RYR2: variants seen among roughly 807,000 people sequenced by gnomAD.
RYR2 encodes cardiac muscle ryanodine receptor-calcium release channel.
A neutral mutation model predicts 601.1 loss-of-function variants in RYR2; 227 were observed. The ratio of observed to expected loss-of-function variants is 0.38; its 90% CI spans 0.34 to 0.42. RYR2 has a LOEUF of 0.42. Ranked by LOEUF, RYR2 falls within the 10% of genes least tolerant of loss-of-function variation. The pLI, the probability that RYR2 is intolerant of heterozygous loss-of-function variation, is 1.00. For synonymous variants in RYR2, 2,223 were observed against 2,175.1 expected, an observed-to-expected ratio of 1.02 and a Z score of -0.61; for missense variants, 4,646 against 6,156.5, an observed-to-expected ratio of 0.75 and a Z score of 8.21.
At position 237,042,557 on chromosome 1, in the gene RYR2, G is replaced by T; in HGVS notation, c.36G>T (p.Gln12His). 3 of 1,261,932 alleles carry T rather than the reference G, an allele frequency of 2.4e-6. No homozygotes were observed. The highest frequency in any genetic ancestry group is 3.0e-6 in the Non-Finnish European group (3 of 995,772). The allele number at this position is 1,261,932 out of a possible 1,614,324, so 78.2% of individuals were successfully genotyped here. The stretch of plus-strand genomic sequence containing the variant: ...GGGGCGAGGGCGAAGACGAGATCCA[G>T]TTCCTGCGAACTGTAAGCGCCGTGC... The part of the protein sequence containing the change: ...ADGGEGEDEI[Q>H]FLRTDDEVVL... Residue 12 changes from glutamine (Q) to histidine (H), a missense_variant, in exon 1 of 105, where the codon CAG (glutamine) becomes CAT (histidine). Gln to His is a conservative substitution (Grantham distance 24). Transcript: ENST00000366574.
intron 10 of RYR2, among the ~76,000 whole-genome samples, chr1:237,395,533 C>CTTTGTTTTTT: frequency 1.1e-5 from 1 of 87,426 alleles, no homozygotes; most frequent in Non-Finnish European, 2.1e-5. Flanking sequence ...GTAGGACTGT[C>CTTTGTTTTTT]TTTTTTTTTT....
Position 237,795,454 on chromosome 1 carries a change from T to C in RYR2, c.13956+123T>C. ...TATCTGCCTATTAATGTCTCCATTT[T>C]TTTTTTTTAATTTTTGAGATGGAGT... is the stretch of plus-strand genomic sequence containing the variant. On this transcript the variant is annotated intron_variant, in intron 96 of 104. Coordinates refer to ENST00000366574, the MANE Select transcript of RYR2 (RefSeq NM_001035.3). 1.7e-5 allele frequency: 9 copies of C among 528,662 alleles called. No individual in the cohort carries two copies. In the South Asian group the frequency reaches 2.3e-4, roughly 14 times the overall value. The allele number at this position is 528,662 out of a possible 1,614,324, so 32.7% of individuals were successfully genotyped here.
At chr1:237,308,702 G>A (rs1025068524) in intron 2 of RYR2, among the ~76,000 whole-genome samples, 1 of 152,178 alleles carries the variant, frequency 6.6e-6, no homozygotes, top group Non-Finnish European at 1.5e-5. Context: ...GCTCATAAAA[G>A]CAGTGCAGAC....
At chr1:237,374,877 C>T (rs1449805788) in intron 7 of RYR2, 82 bp downstream of exon 7, 3 of 1,026,166 alleles carry the variant, frequency 2.9e-6, no homozygotes, top group Non-Finnish European at 2.9e-6. Flanking sequence ...AAATACGATA[C>T]ATGGGATGAA....
At chr1:237,068,836 G>A (rs1056683799) in intron 1 of RYR2, among the ~76,000 whole-genome samples, 5 of 151,914 alleles carry the variant, frequency 3.3e-5, no homozygotes, top group South Asian at 2.1e-4. Context: ...AGATCTCCCC[G>A]TACTGTGGCC....
At chr1:237,574,434 C>T (rs1380870612) in intron 29 of RYR2, among the ~76,000 whole-genome samples, 1 of 151,136 alleles carries the variant, frequency 6.6e-6, no homozygotes, top group African/African-American at 2.5e-5. Context: ...ATATAACCCT[C>T]TCCTCTTGAG....
chr1:237,598,070 A>G (rs1283340856), intron 34 of RYR2, among the ~76,000 whole-genome samples: 2 of 152,242 alleles, frequency 1.3e-5, no homozygotes, highest in Non-Finnish European at 2.9e-5. Flanking sequence ...AATGTAAAAA[A>G]GAGTCAAAGA....
chr1:237,332,681 A>G (rs1341088762), intron 3 of RYR2, among the ~76,000 whole-genome samples: 2 of 152,226 alleles, frequency 1.3e-5, no homozygotes, highest in Non-Finnish European at 2.9e-5. Context: ...CTTTATAGAT[A>G]ACAACTTAGA....
chr1:237,383,417 G>GTTTTTTTT lies in RYR2; in HGVS notation c.577-3841_577-3834dup, dbSNP rs10567644. On this transcript the variant is annotated intron_variant, in intron 8 of 104. Transcript: ENST00000366574. Reference sequence around the variant, plus strand: ...TTTACATTTTCTTTTCTTTTTTCTTGTTTTTTTTTTTTTTTTTTTTTTTTT... The same window carrying GTTTTTTTT: ...TTTACATTTTCTTTTCTTTTTTCTTGTTTTTTTTTTTTTTTTTTTTTTTTTTTTTTTTT... 8.3e-4 allele frequency among the ~76,000 whole-genome samples: 42 copies of GTTTTTTTT among 50,580 alleles called. 2 individuals are homozygous for GTTTTTTTT. The highest frequency in any genetic ancestry group is 1.2e-3 in the Non-Finnish European group (33 of 26,514). The allele number at this position is 50,580 out of a possible 152,430, so 33.2% of individuals were successfully genotyped here. A position where few individuals can be genotyped will look rare whatever the true frequency, so the allele number is the denominator to read the frequency against.
intron 25 of RYR2, among the ~76,000 whole-genome samples, chr1:237,541,534 A>G (rs893451649): frequency 1.3e-5 from 2 of 152,036 alleles, no homozygotes; most frequent in African/African-American, 4.8e-5. Flanking sequence ...CTATCATATT[A>G]TACTTTATTT....
intron 16 of RYR2, among the ~76,000 whole-genome samples, chr1:237,462,589 G>A (rs1363167052): frequency 6.6e-6 from 1 of 152,162 alleles, no homozygotes; most frequent in Non-Finnish European, 1.5e-5. Context: ...AAGATTCAAA[G>A]TATGAAACCA....
At chr1:237,197,050 A>C (rs1041831515) in intron 1 of RYR2, among the ~76,000 whole-genome samples, 1 of 152,162 alleles carries the variant, frequency 6.6e-6, no homozygotes, top group Non-Finnish European at 1.5e-5. Context: ...CTTTAAAAAC[A>C]TATATGTTCT....
intron 27 of RYR2, among the ~76,000 whole-genome samples, chr1:237,563,630 G>A (rs776597738): frequency 6.6e-5 from 10 of 152,006 alleles, no homozygotes; most frequent in Admixed American, 4.6e-4. Context: ...TGTTTCTACT[G>A]CAATATATTC....
intron 17 of RYR2, among the ~76,000 whole-genome samples, chr1:237,481,538 G>A (rs2150364797): frequency 6.6e-6 from 1 of 152,260 alleles, no homozygotes; most frequent in South Asian, 2.1e-4. Context: ...GGTAGGAAGA[G>A]CAAACTAAGC....
intron 25 of RYR2, among the ~76,000 whole-genome samples, chr1:237,532,261 A>G (rs1558979686): frequency 1.3e-5 from 2 of 152,148 alleles, no homozygotes; most frequent in Non-Finnish European, 2.9e-5. Flanking sequence ...TACATTATGT[A>G]TTCACGTACA....
intron 22 of RYR2, 52 bp from the exon 23 acceptor site, chr1:237,506,658 C>T: frequency 7.7e-7 from 1 of 1,296,970 alleles, no homozygotes; most frequent in Non-Finnish European, 1.1e-6. Context: ...GTTGGCACTG[C>T]ATCTTATTGC....
At chr1:237,785,833 G>A (rs1028386335) in intron 90 of RYR2, 136 bp from the exon 91 acceptor site, 7 of 681,202 alleles carry the variant, frequency 1.0e-5, no homozygotes, top group African/African-American at 5.4e-5. Flanking sequence ...TGAAAAACAC[G>A]TGGCGCTTTT....
chr1:237,811,660 G>A (rs976486324), intron 100 of RYR2, among the ~76,000 whole-genome samples: 21 of 152,194 alleles, frequency 1.4e-4, no homozygotes, highest in African/African-American at 4.8e-4. Context: ...AATTTTCGAA[G>A]GCTTGGAACT....
intron 1 of RYR2, among the ~76,000 whole-genome samples, chr1:237,117,654 T>C (rs1670234358): frequency 6.8e-6 from 1 of 148,138 alleles, no homozygotes; most frequent in East Asian, 2.0e-4. Flanking sequence ...TTCTCTTTTC[T>C]CCTCTTCTCT....
Sources: gnomAD v4.1 joint callset for allele counts (sites outside exome capture counted in the v4.1 genomes callset) on GRCh38, gnomAD v4.1.1 for gene constraint, MANE v1.5 for transcripts, NCBI Gene and HGNC (gene_info 2026-07-23, HGNC 2026-07-21) for gene names.